SEC63: variants seen among roughly 807,000 people sequenced by gnomAD.
SEC63 encodes the protein SEC63 protein translocation regulator.
Under a neutral mutation model 116.2 loss-of-function variants are expected in SEC63, and 56 were observed. The observed-to-expected ratio is 0.48, with a 90% CI of 0.39 to 0.60. The LOEUF (loss-of-function observed/expected upper bound fraction) is 0.60, where lower values mean the gene tolerates loss of function less well. SEC63 is among the 20% of genes least tolerant of loss of function. The pLI is 0.00. For synonymous variants in SEC63, 273 were observed against 294.6 expected (o/e 0.93, Z 0.75); for missense variants, 668 against 900.0 (o/e 0.74, Z 3.30).
At chr6:107,896,530 A>C (rs967646487) in intron 14 of SEC63, among the ~76,000 whole-genome samples, 5 of 152,228 alleles carry the variant, frequency 3.3e-5, no homozygotes, top group African/African-American at 9.6e-5. Flanking sequence ...AAAAAGCATG[A>C]GACAAGTACC....
At chr6:107,936,063 T>C (rs1396220901) in intron 1 of SEC63, among the ~76,000 whole-genome samples, 1 of 152,214 alleles carries the variant, frequency 6.6e-6, no homozygotes, top group Admixed American at 6.5e-5. Flanking sequence ...AAACATTTGA[T>C]GAGGTTTTAT....
intron 8 of SEC63, 152 bp downstream of exon 8, chr6:107,908,775 T>C: frequency 1.9e-6 from 1 of 527,766 alleles, no homozygotes; most frequent in South Asian, 2.6e-5. Context: ...CAAAGGGTGC[T>C]GGCATTTTTC....
chr6:107,913,265 G>T, intron 5 of SEC63, 101 bp downstream of exon 5: 2 of 845,458 alleles, frequency 2.4e-6, no homozygotes, highest in Non-Finnish European at 4.0e-6. Flanking sequence ...CTCCATGTGA[G>T]TATAAGTTTA....
At chr6:107,888,478 T>G (rs944818617) in intron 16 of SEC63, among the ~76,000 whole-genome samples, 2 of 152,244 alleles carry the variant, frequency 1.3e-5, no homozygotes, top group Non-Finnish European at 2.9e-5. Flanking sequence ...CTTATCAGCT[T>G]AATGAGATTT....
chr6:107,894,785 T>A (rs510273), intron 14 of SEC63, among the ~76,000 whole-genome samples: 141,752 of 150,834 alleles, frequency 0.94, 66,649 homozygotes, highest in African/African-American at 0.96. Context: ...TTTTTTTTTT[T>A]AAAGACAGTG....
chr6:107,875,717 A>G (rs1786247462), intron 19 of SEC63, among the ~76,000 whole-genome samples: 1 of 152,164 alleles, frequency 6.6e-6, no homozygotes, highest in Non-Finnish European at 1.5e-5. Context: ...AGATCAGAGG[A>G]AAAAATAACA....
intron 1 of SEC63, among the ~76,000 whole-genome samples, chr6:107,935,891 G>A (rs1316232525): frequency 2.0e-5 from 3 of 152,204 alleles, no homozygotes; most frequent in African/African-American, 7.2e-5. Flanking sequence ...CTGAGAAAGT[G>A]ACAAAACCCA....
In SEC63 at chr6:107,909,362, G is replaced by A. The variant is rs115564597; in HGVS notation, c.625-327C>T. On this transcript the variant is annotated intron_variant, in intron 7 of 20. Transcript: ENST00000369002. ...ACTGCACTCCATCCTAGGTGACAGAGGGAGACTCTGTCTCAAAAAAAAAAA... is the reference window on the plus strand; with the variant it reads ...ACTGCACTCCATCCTAGGTGACAGAAGGAGACTCTGTCTCAAAAAAAAAAA... Among the ~76,000 whole-genome samples, 1,418 of 150,652 alleles carry A rather than the reference G, an allele frequency of 9.4e-3. 13 individuals carry two copies. Among genetic ancestry groups the A allele is most frequent in the African/African-American group, 0.032 (1,308 of 40,942 alleles).
chr6:107,920,469 G>A (rs56149617), intron 4 of SEC63, among the ~76,000 whole-genome samples: 15,490 of 144,342 alleles, frequency 0.11, 1,097 homozygotes, highest in Non-Finnish European at 0.15. Context: ...GCTACTGCAC[G>A]CTTAATAGAC....
In SEC63 at chr6:107,908,935, T is replaced by C; in HGVS notation, c.725A>G (p.Asp242Gly). Residue 242 changes from aspartate (D) to glycine (G), a missense_variant, in exon 8 of 21, where the codon GAT becomes GGT. This residue lies in a region of SEC63 where 430 missense variants were observed against 557.5 expected (regional missense o/e 0.77). Transcript: ENST00000369002. ...TYFVYKTRNM[D>G]MKRLIMVLAG... ...ACTTAAAGTTTACTTACGTTTCATATCCATATTTCGGGTTTTATAAACAAA... is the reference window on the plus strand; with the variant it reads ...ACTTAAAGTTTACTTACGTTTCATACCCATATTTCGGGTTTTATAAACAAA... The C allele has an allele frequency of 1.3e-6, 2 of 1,591,170 alleles. No individual in the cohort carries two copies. The highest frequency in any genetic ancestry group is 1.7e-6 in the Non-Finnish European group (2 of 1,159,456).
intron 6 of SEC63, 82 bp from the exon 7 acceptor site, chr6:107,911,478 T>TG (rs1433238415): frequency 9.0e-6 from 8 of 888,134 alleles, no homozygotes; most frequent in Non-Finnish European, 1.5e-5. Context: ...AGGCTTACAA[T>TG]GGGGGAGCCA....
At chr6:107,901,567 T>C (rs750240668) in intron 12 of SEC63, 50 bp from the exon 13 acceptor site, 2 of 1,372,084 alleles carry the variant, frequency 1.5e-6, no homozygotes, top group Non-Finnish European at 1.0e-6. Flanking sequence ...TCACAAAGCT[T>C]TTCATAAAAA....
At chr6:107,934,718 T>G (rs1583768919) in intron 1 of SEC63, among the ~76,000 whole-genome samples, 1 of 8,682 alleles carries the variant, frequency 1.2e-4, no homozygotes, top group Admixed American at 1.2e-3. Flanking sequence ...GGCAGGGAGG[T>G]GGGGGGGGTC....
chr6:107,902,580 A>G (rs1339335072), intron 12 of SEC63, among the ~76,000 whole-genome samples: 1 of 152,188 alleles, frequency 6.6e-6, no homozygotes, highest in Non-Finnish European at 1.5e-5. Flanking sequence ...TTTTGGTAAC[A>G]TAATATAAGG....
At chr6:107,900,174 T>A (rs926193751) in intron 13 of SEC63, among the ~76,000 whole-genome samples, 10 of 152,010 alleles carry the variant, frequency 6.6e-5, no homozygotes, top group African/African-American at 2.4e-4. Context: ...GTTTTTTTTT[T>A]AATTTTATAA....
intron 1 of SEC63, among the ~76,000 whole-genome samples, chr6:107,936,997 G>GT: frequency 6.6e-6 from 1 of 152,090 alleles, no homozygotes; most frequent in Non-Finnish European, 1.5e-5. Flanking sequence ...AGAACATGCA[G>GT]TATTTGGTTT....
intron 14 of SEC63, among the ~76,000 whole-genome samples, chr6:107,896,847 C>T (rs1205455332): frequency 6.6e-6 from 1 of 151,982 alleles, no homozygotes; most frequent in South Asian, 2.1e-4. Context: ...GGTGTGGTGG[C>T]GTGTGCCTGT....
At chr6:107,926,337 T>C (rs1421128461) in intron 2 of SEC63, among the ~76,000 whole-genome samples, 1 of 152,214 alleles carries the variant, frequency 6.6e-6, no homozygotes, top group Non-Finnish European at 1.5e-5. Context: ...ACCCTTTGTA[T>C]GACAATTTGT....
chr6:107,929,588 A>C, intron 1 of SEC63, 74 bp from the exon 2 acceptor site: 1 of 828,554 alleles, frequency 1.2e-6, no homozygotes, highest in Non-Finnish European at 2.1e-6. Context: ...TAACTGGTTA[A>C]CTAACCTTCA....
Sources: gnomAD v4.1 joint callset for allele counts (sites outside exome capture counted in the v4.1 genomes callset) on GRCh38, gnomAD v4.1.1 for gene constraint, gnomAD v4.1.1 regional missense constraint, MANE v1.5 for transcripts, NCBI Gene and HGNC (gene_info 2026-07-23, HGNC 2026-07-21) for gene names.